The following MYH9 variants were observed in gnomAD, a reference collection of about 807,000 sequenced individuals.
MYH9 encodes myosin heavy chain 9.
A neutral mutation model predicts 241.9 loss-of-function variants in MYH9; 29 were observed. The ratio of observed to expected loss-of-function variants is 0.12; its 90% CI spans 0.09 to 0.16. MYH9 has a LOEUF of 0.16. MYH9 is among the 10% of genes least tolerant of loss of function. The probability of loss-of-function intolerance (pLI) is 1.00; values close to 1 mark genes in which losing one functional copy is unlikely to be tolerated. For missense variants in MYH9, 1,803 were observed against 2,595.5 expected (o/e 0.69, Z 6.63); for synonymous variants, 1,047 against 1,062.6 (o/e 0.99, Z 0.29).
chr22:36,334,303 G>C lies in MYH9; in HGVS notation c.491-6815C>G, dbSNP rs367628763. Among the ~76,000 whole-genome samples, 14 of 152,338 alleles carry C rather than the reference G, an allele frequency of 9.2e-5. No individual in the cohort carries two copies. The East Asian group carries it at 1.2e-3, about 13-fold the overall frequency. On this transcript the variant is annotated intron_variant, in intron 3 of 40. Coordinates refer to ENST00000216181, the MANE Select transcript of MYH9 (RefSeq NM_002473.6). ...AGCTCGAGGACAGCGCCTCCCGGCTGCAGCCATGGTGTTGGGTGGTGGCCC... is the reference window on the plus strand; with the variant it reads ...AGCTCGAGGACAGCGCCTCCCGGCTCCAGCCATGGTGTTGGGTGGTGGCCC...
rs189941271 is a variant in MYH9 at position 36,296,752 on chromosome 22, C to T, written c.3272+91G>A. 3 of 1,388,918 alleles carry T rather than the reference C, an allele frequency of 2.2e-6. No individual in the cohort carries two copies. In the East Asian group the frequency reaches 7.4e-5, roughly 34 times the overall value. 86.0% of individuals were successfully genotyped at this position (1,388,918 alleles called of 1,614,324 possible). A position where few individuals can be genotyped will look rare whatever the true frequency, so the allele number is the denominator to read the frequency against. ...AAGACAACAGTGGAAAGAATGCTCA[C>T]AGCTCACTAGTGCCGAGAACTAGGG... On this transcript the variant is annotated intron_variant, in intron 25 of 40. Transcript: ENST00000216181.
chr22:36,341,004 G>A (rs1459022079), intron 3 of MYH9, among the ~76,000 whole-genome samples: 1 of 152,160 alleles, frequency 6.6e-6, no homozygotes, highest in Non-Finnish European at 1.5e-5. Context: ...TTTCTAGACT[G>A]TGGGGAAGAA....
At chr22:36,302,245 T>C (rs1397966309) in intron 20 of MYH9, 1 of 298,330 alleles carries the variant, frequency 3.4e-6, no homozygotes, top group Non-Finnish European at 6.5e-6. Flanking sequence ...TACCATAAAT[T>C]ATGTATTATA....
Position 36,282,425 on chromosome 22 carries a change from G to A in MYH9, c.*243C>T, listed in dbSNP as rs136201. ...TGCTGGTCGCTCTCTGCCTGGGCCC[G>A]GGCCCTGTCTCTTTGGTATCAGATT... On this transcript the variant is annotated 3_prime_UTR_variant, in exon 41 of 41. Transcript: ENST00000216181. 0.01 allele frequency: 6,364 copies of A among 624,604 alleles called. 64 individuals carry two copies. Among genetic ancestry groups the A allele is most frequent in the Non-Finnish European group, 0.012 (4,288 of 347,486 alleles). 38.7% of individuals were successfully genotyped at this position (624,604 alleles called of 1,614,324 possible). A position where few individuals can be genotyped will look rare whatever the true frequency, so the allele number is the denominator to read the frequency against.
intron 19 of MYH9, among the ~76,000 whole-genome samples, chr22:36,303,452 A>G (rs2009940): frequency 0.98 from 147,442 of 151,024 alleles, 71,975 homozygotes; most frequent in East Asian, 1. Flanking sequence ...AAGCAGAGTC[A>G]GCCTCTTCCC....
At chr22:36,352,793 A>G (rs1205256725) in intron 1 of MYH9, among the ~76,000 whole-genome samples, 1 of 152,236 alleles carries the variant, frequency 6.6e-6, no homozygotes, top group Non-Finnish European at 1.5e-5. Flanking sequence ...GCTGAAGGTC[A>G]GAGCCCCAGC....
At chr22:36,377,675 C>T (rs2018191649) in intron 1 of MYH9, among the ~76,000 whole-genome samples, 1 of 152,072 alleles carries the variant, frequency 6.6e-6, no homozygotes, top group South Asian at 2.1e-4. Flanking sequence ...TTTGGGAGGC[C>T]AAGGCGGGCG....
intron 3 of MYH9, among the ~76,000 whole-genome samples, chr22:36,332,720 T>C (rs915518703): frequency 9.9e-5 from 14 of 141,808 alleles, no homozygotes; most frequent in African/African-American, 3.7e-4. Context: ...ACTTTCATTA[T>C]GTCAGACTAA....
intron 3 of MYH9, among the ~76,000 whole-genome samples, chr22:36,341,121 G>A (rs1033014957): frequency 6.6e-6 from 1 of 152,220 alleles, no homozygotes; most frequent in African/African-American, 2.4e-5. Flanking sequence ...AAAAGTATGA[G>A]AAATTGAGAG....
chr22:36,358,823 C>T (rs542536302), intron 1 of MYH9, among the ~76,000 whole-genome samples: 2 of 152,340 alleles, frequency 1.3e-5, no homozygotes, highest in East Asian at 3.9e-4. Flanking sequence ...ATATGACTTC[C>T]TATTTCATTG....
chr22:36,384,078 G>A (rs1407931144), intron 1 of MYH9, among the ~76,000 whole-genome samples: 2 of 150,870 alleles, frequency 1.3e-5, no homozygotes, highest in Non-Finnish European at 2.9e-5. Flanking sequence ...CCAGACCAGC[G>A]TGGTCAACAT....
At chr22:36,308,353 G>C (rs1414193724) in intron 15 of MYH9, among the ~76,000 whole-genome samples, 1 of 151,038 alleles carries the variant, frequency 6.6e-6, no homozygotes, top group African/African-American at 2.4e-5. Flanking sequence ...CTGCAGCCTT[G>C]ACCTGTGCTC....
Position 36,306,627 on chromosome 22 carries a change from C to T in MYH9, c.1844-20G>A, listed in dbSNP as rs776757171. 3.1e-6 allele frequency: 5 copies of T among 1,607,386 alleles called. No individual in the cohort carries two copies. The highest frequency in any genetic ancestry group is 1.1e-5 in the South Asian group (1 of 90,532). On this transcript the variant is annotated intron_variant, in intron 15 of 40. Coordinates refer to ENST00000216181, the MANE Select transcript of MYH9 (RefSeq NM_002473.6). This position sits in a 1 kb window ranked among gnomAD's most constrained non-coding sequence, Gnocchi z 4.1. The stretch of plus-strand genomic sequence containing the variant: ...GGTCCACTGTGGAGACCACAGAGAA[C>T]ACGTGAGTGCCCACACAGTTGCAGC...
intron 1 of MYH9, among the ~76,000 whole-genome samples, chr22:36,356,630 T>C (rs868563996): frequency 1.1e-4 from 15 of 130,478 alleles, no homozygotes; most frequent in Middle Eastern, 4.1e-3. Flanking sequence ...GCAGCTGCTA[T>C]AATAATGTAG....
intron 1 of MYH9, among the ~76,000 whole-genome samples, chr22:36,378,928 G>A (rs966218321): frequency 1.3e-5 from 2 of 151,616 alleles, no homozygotes; most frequent in South Asian, 2.1e-4. Context: ...GTTTTCTACC[G>A]ACTCACAGAA....
chr22:36,325,527 T>C (rs1300613488), intron 5 of MYH9, among the ~76,000 whole-genome samples: 1 of 152,156 alleles, frequency 6.6e-6, no homozygotes, highest in Admixed American at 6.5e-5. Flanking sequence ...CCCACAGCCA[T>C]GCTTAAGTCT....
At chr22:36,382,731 A>C (rs1374098401) in intron 1 of MYH9, among the ~76,000 whole-genome samples, 1 of 151,874 alleles carries the variant, frequency 6.6e-6, no homozygotes, top group Admixed American at 6.6e-5. Flanking sequence ...TGAACCCAGG[A>C]GGCAGAGGCT....
chr22:36,293,996 G>C lies in MYH9; in HGVS notation c.3837+96C>G, dbSNP rs2146337192. On this transcript the variant is annotated intron_variant, in intron 28 of 40. Transcript: ENST00000216181. This position sits in a 1 kb window ranked among gnomAD's most constrained non-coding sequence, Gnocchi z 5.1. ...AGGGTCTGAGGAGCCAGTTTGAGAA[G>C]AGAGAGAGACAGAGAGCACACATGC... The C allele has an allele frequency of 6.8e-7, 1 of 1,465,354 alleles. No individual in the cohort carries two copies. Among genetic ancestry groups the C allele is most frequent in the East Asian group, 2.3e-5 (1 of 43,116 alleles). 90.8% of individuals were successfully genotyped at this position (1,465,354 alleles called of 1,614,324 possible).
At position 36,289,252 on chromosome 22, in the gene MYH9, G is replaced by A. The variant is rs772088544; in HGVS notation, c.4390C>T (p.Arg1464Cys). ...CGGGCCTCCGCCTCAGCCCGGTCGCGCTCCTCTGCATACTTGGCAGAGATG... is the reference window on the plus strand; with the variant it reads ...CGGGCCTCCGCCTCAGCCCGGTCGCACTCCTCTGCATACTTGGCAGAGATG... ...KTISAKYAEE[R>C]DRAEAEAREK... Residue 1464 changes from arginine to cysteine, a missense_variant, in exon 32 of 41, where the codon CGC becomes TGC. Arg to Cys is a radical substitution (Grantham distance 180, BLOSUM62 -3). Around this residue, in one of 11 missense-constraint regions of MYH9, gnomAD observed 876 missense variants for 1,077.8 expected, o/e 0.81. Transcript: ENST00000216181. 11 of 1,612,478 alleles carry A rather than the reference G, an allele frequency of 6.8e-6. No homozygotes were observed. Among genetic ancestry groups the A allele is most frequent in the East Asian group, 6.7e-5 (3 of 44,860 alleles).
Sources: gnomAD v4.1 joint callset for allele counts (sites outside exome capture counted in the v4.1 genomes callset) on GRCh38, gnomAD v4.1.1 for gene constraint, gnomAD v4.1.1 regional missense constraint, Gnocchi (gnomAD v3.1) non-coding constraint, MANE v1.5 for transcripts, NCBI Gene and HGNC (gene_info 2026-07-23, HGNC 2026-07-21) for gene names.